The following SMG1 variants were observed in gnomAD, a reference collection of about 807,000 sequenced individuals.
SMG1 encodes the protein serine/threonine-protein kinase SMG1.
SMG1 carries 22 observed loss-of-function variants against 419.9 expected under a neutral mutation model. That is an observed-to-expected ratio of 0.05 (90% confidence interval 0.04 to 0.07). The LOEUF is 0.07. Among genes scored for constraint, SMG1 ranks in the 10% least tolerant of loss-of-function variants. The pLI is 1.00. For missense variants in SMG1, 3,185 were observed against 4,342.0 expected (o/e 0.73, Z 7.49); for synonymous variants, 1,538 against 1,553.5 (o/e 0.99, Z 0.23).
chr16:18,806,167 T>C lies in SMG1; in HGVS notation c.*3402A>G, dbSNP rs564717601. 1 of 152,718 alleles carries C rather than the reference T, an allele frequency of 6.5e-6. No homozygotes were observed. The highest frequency in any genetic ancestry group is 2.4e-5 in the African/African-American group (1 of 41,558). The allele number at this position is 152,718 out of a possible 1,614,324, so 9.5% of individuals were successfully genotyped here. A position where few individuals can be genotyped will look rare whatever the true frequency, so the allele number is the denominator to read the frequency against. On this transcript the variant is annotated 3_prime_UTR_variant, in exon 63 of 63. Coordinates refer to ENST00000446231, the MANE Select transcript of SMG1 (RefSeq NM_015092.5). ...GCTCGGCATTTTTAAAAAATGGCTC[T>C]TTCCTTAAATTTCACACGTCAGAAC...
At chr16:18,918,662 C>T (rs189321072) in intron 1 of SMG1, among the ~76,000 whole-genome samples, 2 of 152,132 alleles carry the variant, frequency 1.3e-5, no homozygotes, top group Non-Finnish European at 2.9e-5. Context: ...GATTCTCCTG[C>T]CTCAGCCTCC....
chr16:18,898,012 A>G (rs1203801347), intron 1 of SMG1, among the ~76,000 whole-genome samples: 1 of 152,238 alleles, frequency 6.6e-6, no homozygotes, highest in Non-Finnish European at 1.5e-5. Context: ...CCAGACACTA[A>G]GCTATTCCTC....
intron 25 of SMG1, 109 bp from the exon 26 acceptor site, chr16:18,860,885 A>AT (rs1010870508): frequency 4.5e-5 from 24 of 536,602 alleles, no homozygotes; most frequent in Non-Finnish European, 6.8e-5. Context: ...AGTACACAGC[A>AT]TTTTTCTGAC....
chr16:18,847,364 TA>T, intron 38 of SMG1, 88 bp downstream of exon 38: 1 of 1,437,362 alleles, frequency 7.0e-7, no homozygotes, highest in Non-Finnish European at 9.6e-7. Context: ...ATTGTACACT[TA>T]AAAATTAAAA....
At chr16:18,862,301 A>T (rs566626378) in intron 25 of SMG1, among the ~76,000 whole-genome samples, 1 of 152,256 alleles carries the variant, frequency 6.6e-6, no homozygotes, top group South Asian at 2.1e-4. Flanking sequence ...TTCTTTCACA[A>T]AAATGCTAAA....
chr16:18,922,819 C>T (rs564142786), intron 1 of SMG1, among the ~76,000 whole-genome samples: 46 of 152,092 alleles, frequency 3.0e-4, no homozygotes, highest in Middle Eastern at 3.4e-3. Flanking sequence ...GTGGCTCACA[C>T]CTGTAATCTC....
At position 18,816,426 on chromosome 16, in the gene SMG1, T is replaced by C. The variant is rs779052754; in HGVS notation, c.10178A>G (p.Lys3393Arg). Residue 3393 changes from lysine (K) to arginine (R), a missense_variant, in exon 58 of 63, where the codon AAA (lysine) becomes AGA (arginine). Around this residue, in one of 27 missense-constraint regions of SMG1, gnomAD observed 737 missense variants for 846.6 expected, o/e 0.87. Coordinates refer to ENST00000446231, the MANE Select transcript of SMG1 (RefSeq NM_015092.5). ...ACAGACCGTTTCTATCTGCTGCTCT[T>C]TCTCTGTCTGAATTGCCCTCTGAGT... ...MSTQRAIQTE[K>R]EQQIETVCET... 3 of 1,613,976 alleles carry C rather than the reference T, an allele frequency of 1.9e-6. No individual in the cohort carries two copies. The Admixed American group carries it at 5.0e-5, about 27-fold the overall frequency.
chr16:18,918,984 CATA>C (rs1318841043), intron 1 of SMG1, among the ~76,000 whole-genome samples: 3 of 152,126 alleles, frequency 2.0e-5, no homozygotes, highest in Non-Finnish European at 1.5e-5. Context: ...ACTTTTCTCC[CATA>C]ATAACTTATA....
intron 60 of SMG1, among the ~76,000 whole-genome samples, chr16:18,813,436 T>C (rs1044546522): frequency 2.0e-5 from 3 of 152,250 alleles, no homozygotes; most frequent in African/African-American, 7.2e-5. Context: ...ATGAGCATTT[T>C]TTCATGTGTC....
chr16:18,812,747 T>C (rs1381936009), intron 60 of SMG1, among the ~76,000 whole-genome samples: 1 of 152,114 alleles, frequency 6.6e-6, no homozygotes, highest in Non-Finnish European at 1.5e-5. Flanking sequence ...TGTATACATG[T>C]GCCATGTTGG....
chr16:18,897,899 GAA>G (rs1268240019), intron 1 of SMG1, among the ~76,000 whole-genome samples: 3 of 114,492 alleles, frequency 2.6e-5, no homozygotes, highest in Admixed American at 9.0e-5. Context: ...ACAACTTTGA[GAA>G]AAAAAAAAAA....
intron 9 of SMG1, among the ~76,000 whole-genome samples, chr16:18,882,692 CT>C: frequency 6.6e-6 from 1 of 152,278 alleles, no homozygotes; most frequent in South Asian, 2.1e-4. Context: ...GGCTAAAAAT[CT>C]CATTCTAGGT....
intron 30 of SMG1, 137 bp from the exon 31 acceptor site, chr16:18,854,004 AGGAGGC>A (rs58740437): frequency 0.51 from 414,864 of 808,020 alleles, 107,806 homozygotes; most frequent in Middle Eastern, 0.57. Flanking sequence ...GCTCAAGCAT[AGGAGGC>A]TCCTACTGTC....
At chr16:18,918,755 G>A (rs952866212) in intron 1 of SMG1, among the ~76,000 whole-genome samples, 4 of 152,130 alleles carry the variant, frequency 2.6e-5, no homozygotes, top group African/African-American at 9.7e-5. Context: ...CACCATGTTG[G>A]CCTGTAACCC....
chr16:18,881,637 G>T (rs2036401988), intron 10 of SMG1, among the ~76,000 whole-genome samples: 1 of 152,084 alleles, frequency 6.6e-6, no homozygotes, highest in African/African-American at 2.4e-5. Context: ...ACCCTCATTG[G>T]ATGTGCTACA....
At chr16:18,852,546 C>T in intron 31 of SMG1, 84 bp from the exon 32 acceptor site, 1 of 1,231,846 alleles carries the variant, frequency 8.1e-7, no homozygotes. Flanking sequence ...TTTCCATTAG[C>T]ATTTTAGGTT....
At chr16:18,837,164 C>A in intron 46 of SMG1, 89 bp downstream of exon 46, 1 of 1,189,070 alleles carries the variant, frequency 8.4e-7, no homozygotes, top group Non-Finnish European at 1.2e-6. Context: ...TGATTTGTTA[C>A]AATAATTCTA....
At chr16:18,867,169 G>C (rs1328040666) in intron 22 of SMG1, among the ~76,000 whole-genome samples, 12 of 152,074 alleles carry the variant, frequency 7.9e-5, no homozygotes, top group African/African-American at 2.2e-4. Context: ...GTTATTTTTG[G>C]ATTCCAGTTA....
intron 1 of SMG1, among the ~76,000 whole-genome samples, chr16:18,917,307 C>G (rs1195813809): frequency 1.3e-5 from 2 of 151,868 alleles, no homozygotes; most frequent in African/African-American, 4.8e-5. Context: ...CATATGCCAC[C>G]ATGCCCGGCT....
Sources: allele counts gnomAD v4.1 joint callset (sites outside exome capture counted in the v4.1 genomes callset), GRCh38; gene constraint gnomAD v4.1.1; regional missense constraint gnomAD v4.1.1; transcripts MANE v1.5; gene names NCBI Gene and HGNC (gene_info 2026-07-23, HGNC 2026-07-21).